Variants in NRXN1 observed in about 807,000 individuals in gnomAD.
NRXN1 encodes neurexin 1.
NRXN1 carries 39 observed loss-of-function variants against 150.9 expected under a neutral mutation model. The observed-to-expected ratio is 0.26, with a 90% CI of 0.20 to 0.34. The LOEUF is 0.34. Among genes scored for constraint, NRXN1 ranks in the 10% least tolerant of loss-of-function variants. The pLI is 1.00. For synonymous variants in NRXN1, 924 were observed against 757.0 expected (o/e 1.22, Z -3.62); for missense variants, 1,815 against 1,949.9 (o/e 0.93, Z 1.30).
chr2:49,987,758 CG>C (rs1430401805), intron 21 of NRXN1, among the ~76,000 whole-genome samples: 40 of 113,710 alleles, frequency 3.5e-4, no homozygotes, highest in African/African-American at 7.1e-4. Flanking sequence ...GATGAAACAA[CG>C]TTTTTTTTTT....
intron 5 of NRXN1, among the ~76,000 whole-genome samples, chr2:50,629,862 T>A (rs778049106): frequency 1.6e-4 from 25 of 151,610 alleles, no homozygotes; most frequent in African/African-American, 6.0e-4. Flanking sequence ...ATTTAAAAAA[T>A]ATATATATAC....
In NRXN1 at chr2:50,053,499, C is replaced by T; in HGVS notation, c.3900G>A (p.Leu1300=). 1.9e-6 allele frequency: 3 copies of T among 1,614,082 alleles called. No individual in the cohort carries two copies. Among genetic ancestry groups the T allele is most frequent in the Non-Finnish European group, 8.5e-7 (1 of 1,179,948 alleles). Reference sequence around the variant, plus strand: ...TCAGAACTTTCAAGCCATTGTAGTACAGCCCAGAGAGCTGGCCCTGGAAGG... The same window carrying T: ...TCAGAACTTTCAAGCCATTGTAGTATAGCCCAGAGAGCTGGCCCTGGAAGG... ...GQPFQGQLSG[L]YYNGLKVLNM... Residue 1300 remains leucine (L), a synonymous_variant, in exon 21 of 23, where the codon CTG becomes CTA. Coordinates refer to ENST00000401669, the MANE Select transcript of NRXN1 (RefSeq NM_001330078.2).
At chr2:50,192,892 C>T (rs976315514) in intron 18 of NRXN1, among the ~76,000 whole-genome samples, 3 of 152,146 alleles carry the variant, frequency 2.0e-5, no homozygotes, top group African/African-American at 7.2e-5. Context: ...GCTGGGATTA[C>T]AGGCGTGAGC....
At chr2:50,145,642 G>A (rs1707906011) in intron 18 of NRXN1, among the ~76,000 whole-genome samples, 1 of 151,616 alleles carries the variant, frequency 6.6e-6, no homozygotes, top group African/African-American at 2.4e-5. Flanking sequence ...GCTCTTAGCT[G>A]TGTCACCATT....
rs569129926 is a variant in NRXN1, at chr2:50,121,494, A to G, written c.3547-30000T>C. On this transcript the variant is annotated intron_variant, in intron 18 of 22. Transcript: ENST00000401669. ...CCACATCTGCCAGAGGATGTATGTAAGTGATGTGCAAACACTACTCCATTT... is the reference window on the plus strand; with the variant it reads ...CCACATCTGCCAGAGGATGTATGTAGGTGATGTGCAAACACTACTCCATTT... 9.2e-5 allele frequency among the ~76,000 whole-genome samples: 14 copies of G among 152,364 alleles called. No individual in the cohort carries two copies. The South Asian group carries it at 2.7e-3, about 29-fold the overall frequency.
At chr2:50,618,227 A>C (rs1294140048) in intron 8 of NRXN1, among the ~76,000 whole-genome samples, 1 of 152,134 alleles carries the variant, frequency 6.6e-6, no homozygotes, top group African/African-American at 2.4e-5. Flanking sequence ...ATGGAGTTTC[A>C]GAAATCTTCT....
chr2:50,584,945 A>C (rs1460867408), intron 8 of NRXN1, among the ~76,000 whole-genome samples: 1 of 152,202 alleles, frequency 6.6e-6, no homozygotes, highest in Non-Finnish European at 1.5e-5. Context: ...TGTGGCATAT[A>C]GTCACTGACA....
chr2:50,107,794 T>C (rs1487910740), intron 18 of NRXN1, among the ~76,000 whole-genome samples: 4 of 151,926 alleles, frequency 2.6e-5, no homozygotes, highest in African/African-American at 9.7e-5. Context: ...TAATTATCAA[T>C]GACCATTTGC....
rs757719368 is a variant in NRXN1, at chr2:49,957,861, G to A, written c.4129-14070C>T. ...TTTCCTGGCTCTCCATCCAGTTGGCGTCTTGCTCCTTCTACTCCTCCTAGT... is the reference window on the plus strand; with the variant it reads ...TTTCCTGGCTCTCCATCCAGTTGGCATCTTGCTCCTTCTACTCCTCCTAGT... On this transcript the variant is annotated intron_variant, in intron 21 of 22. Transcript: ENST00000401669. Among the ~76,000 whole-genome samples, 12 of 152,108 alleles carry A rather than the reference G, an allele frequency of 7.9e-5. No homozygotes were observed. In the South Asian group the frequency reaches 8.3e-4, roughly 11 times the overall value.
chr2:50,614,858 G>C (rs1678813106), intron 8 of NRXN1, among the ~76,000 whole-genome samples: 1 of 151,500 alleles, frequency 6.6e-6, no homozygotes, highest in Non-Finnish European at 1.5e-5. Flanking sequence ...AAAGAAGAAA[G>C]ATAGGGATTA....
intron 2 of NRXN1, among the ~76,000 whole-genome samples, chr2:50,975,393 T>C (rs1191370773): frequency 3.3e-5 from 5 of 152,098 alleles, no homozygotes; most frequent in African/African-American, 1.2e-4. Context: ...ATGGAATCAT[T>C]GCATACATAC....
chr2:50,802,509 G>C (rs1707746535), intron 5 of NRXN1, among the ~76,000 whole-genome samples: 1 of 54,792 alleles, frequency 1.8e-5, no homozygotes, highest in South Asian at 6.4e-4. Context: ...ATGGAAGGAA[G>C]GAAGGAAGGA....
chr2:50,404,527 T>C lies in NRXN1; in HGVS notation c.3364+60915A>G, dbSNP rs150571101. Among the ~76,000 whole-genome samples, 80 of 152,226 alleles carry C rather than the reference T, an allele frequency of 5.3e-4. 3 individuals carry two copies. In the East Asian group the frequency reaches 0.015, roughly 28 times the overall value. On this transcript the variant is annotated intron_variant, in intron 17 of 22. Coordinates refer to ENST00000401669, the MANE Select transcript of NRXN1 (RefSeq NM_001330078.2). ...AGTTTTAGGGTTGAAGTGGGAGATA[T>C]TTCAGGACCCAGGTACCTTTCTGGG...
intron 17 of NRXN1, among the ~76,000 whole-genome samples, chr2:50,433,245 T>C (rs2085129626): frequency 6.6e-6 from 1 of 152,240 alleles, no homozygotes; most frequent in African/African-American, 2.4e-5. Context: ...TAAGAAGTAA[T>C]AGAAATTCAT....
chr2:50,707,366 A>C (rs1233754527), intron 5 of NRXN1, among the ~76,000 whole-genome samples: 1 of 152,194 alleles, frequency 6.6e-6, no homozygotes, highest in Non-Finnish European at 1.5e-5. Flanking sequence ...AAGCTAGTTA[A>C]AAATAATTCT....
At chr2:50,281,123 T>G (rs1228649309) in intron 17 of NRXN1, among the ~76,000 whole-genome samples, 1 of 135,112 alleles carries the variant, frequency 7.4e-6, no homozygotes, top group Admixed American at 8.1e-5. Flanking sequence ...GCTAACACGG[T>G]GAAACCCCGT....
chr2:50,651,251 C>G (rs1685570863), intron 5 of NRXN1, among the ~76,000 whole-genome samples: 1 of 151,930 alleles, frequency 6.6e-6, no homozygotes, highest in African/African-American at 2.4e-5. Context: ...AGAATACCCT[C>G]TGGCCATCCT....
intron 6 of NRXN1, 83 bp from the exon 7 acceptor site, chr2:50,621,332 C>G: frequency 9.6e-7 from 1 of 1,041,520 alleles, no homozygotes; most frequent in Admixed American, 2.2e-5. Context: ...ATGGTCTCTA[C>G]CATGTTAGTA....
intron 5 of NRXN1, among the ~76,000 whole-genome samples, chr2:50,790,996 G>T (rs1241550081): frequency 6.6e-6 from 1 of 151,756 alleles, no homozygotes; most frequent in Admixed American, 6.6e-5. Context: ...ACTAGTAGCT[G>T]ATTTTTAAGG....
Sources: allele counts gnomAD v4.1 joint callset (sites outside exome capture counted in the v4.1 genomes callset), GRCh38; gene constraint gnomAD v4.1.1; transcripts MANE v1.5; gene names NCBI Gene and HGNC (gene_info 2026-07-23, HGNC 2026-07-21).